Variants in HIVEP2 observed in about 807,000 individuals in gnomAD.
HIVEP2 encodes transcription factor HIVEP2.
A neutral mutation model predicts 180.7 loss-of-function variants in HIVEP2; 14 were observed. That is an observed-to-expected ratio of 0.08 (90% CI 0.05 to 0.12). The LOEUF (loss-of-function observed/expected upper bound fraction) is 0.12, where lower values mean the gene tolerates loss of function less well. Ranked by LOEUF, HIVEP2 falls within the 10% of genes least tolerant of loss-of-function variation. The probability of loss-of-function intolerance (pLI) is 1.00; values close to 1 mark genes in which losing one functional copy is unlikely to be tolerated. For synonymous variants in HIVEP2, 1,184 were observed against 1,136.4 expected, an observed-to-expected ratio of 1.04 and a Z score of -0.84; for missense variants, 2,579 against 3,008.5, an observed-to-expected ratio of 0.86 and a Z score of 3.34.
At chr6:142,890,156 C>A (rs1166435400) in intron 1 of HIVEP2, among the ~76,000 whole-genome samples, 1 of 152,104 alleles carries the variant, frequency 6.6e-6, no homozygotes, top group Non-Finnish European at 1.5e-5. Context: ...GACCTAAATG[C>A]CTATATTTTT....
chr6:142,843,683 G>A (rs1424126231), intron 1 of HIVEP2, among the ~76,000 whole-genome samples: 1 of 152,126 alleles, frequency 6.6e-6, no homozygotes, highest in African/African-American at 2.4e-5. Flanking sequence ...AGGAAACTCT[G>A]GCCTTGTTTA....
rs71721259 is a variant in HIVEP2 at position 142,832,192 on chromosome 6, C to CAAA, written c.-528+4740_-528+4742dup. Among the ~76,000 whole-genome samples, 138 of 108,062 alleles carry CAAA rather than the reference C, an allele frequency of 1.3e-3. No homozygotes were observed. The East Asian group carries it at 0.024, about 19-fold the overall frequency. 70.9% of individuals were successfully genotyped at this position (108,062 alleles called of 152,430 possible). On this transcript the variant is annotated intron_variant, in intron 2 of 9. Transcript: ENST00000367603. ...GGGCAACAAGAGTGAAATTCTGTCT[C>CAAA]AAAAAAAAAAAAAACAGAAAACAAA...
chr6:142,869,761 G>A (rs188991211), intron 1 of HIVEP2, among the ~76,000 whole-genome samples: 93 of 152,152 alleles, frequency 6.1e-4, no homozygotes, highest in Non-Finnish European at 9.6e-4. Context: ...TAAGAGTTAC[G>A]TTATATATAC....
chr6:142,911,973 C>A (rs1582960839), intron 1 of HIVEP2, among the ~76,000 whole-genome samples: 1 of 152,150 alleles, frequency 6.6e-6, no homozygotes, highest in East Asian at 1.9e-4. Flanking sequence ...AAAGCAAAAG[C>A]CAATCAAAGT....
rs1232572478 is a variant in HIVEP2, at chr6:142,836,959, G to A, written c.-552C>T. 6 of 152,024 alleles carry A rather than the reference G, an allele frequency of 3.9e-5. No homozygotes were observed. The East Asian group carries it at 7.7e-4, about 20-fold the overall frequency. The allele number at this position is 152,024 out of a possible 1,614,324, so 9.4% of individuals were successfully genotyped here. ...CCTAGTGGCTGTATGTTAAAGCATCGGTAAAAGAGCATTCCAACCAAATCA... is the reference window on the plus strand; with the variant it reads ...CCTAGTGGCTGTATGTTAAAGCATCAGTAAAAGAGCATTCCAACCAAATCA... On this transcript the variant is annotated 5_prime_UTR_variant, in exon 2 of 10. An upstream open reading frame in the 5' UTR gains an earlier in-frame stop. Coordinates refer to ENST00000367603, the MANE Select transcript of HIVEP2 (RefSeq NM_006734.4).
intron 2 of HIVEP2, among the ~76,000 whole-genome samples, chr6:142,796,894 A>T (rs1401290454): frequency 1.3e-5 from 2 of 152,178 alleles, no homozygotes; most frequent in African/African-American, 4.8e-5. Context: ...TCACTGCAGT[A>T]GCAACAGGAG....
intron 7 of HIVEP2, among the ~76,000 whole-genome samples, chr6:142,762,095 C>A (rs1240964814): frequency 6.6e-6 from 1 of 152,156 alleles, no homozygotes; most frequent in Non-Finnish European, 1.5e-5. Flanking sequence ...GAGGGCCAAC[C>A]TTGTCAGTGC....
intron 9 of HIVEP2, among the ~76,000 whole-genome samples, chr6:142,755,003 G>T (rs1313333250): frequency 6.6e-6 from 1 of 152,190 alleles, no homozygotes; most frequent in Non-Finnish European, 1.5e-5. Flanking sequence ...GAGAACCAAA[G>T]ATAGATAGAT....
chr6:142,899,353 A>G (rs918019892), intron 1 of HIVEP2, among the ~76,000 whole-genome samples: 4 of 152,198 alleles, frequency 2.6e-5, no homozygotes, highest in African/African-American at 9.7e-5. Flanking sequence ...AAGCTGCTGC[A>G]TTGCTTTCAT....
intron 1 of HIVEP2, among the ~76,000 whole-genome samples, chr6:142,854,809 G>A (rs575033458): frequency 3.3e-5 from 5 of 152,182 alleles, no homozygotes; most frequent in South Asian, 4.1e-4. Context: ...ACATGCACAC[G>A]TTCCTGAAAT....
intron 1 of HIVEP2, among the ~76,000 whole-genome samples, chr6:142,844,509 T>C (rs1304132108): frequency 6.6e-6 from 1 of 152,222 alleles, no homozygotes; most frequent in Non-Finnish European, 1.5e-5. Flanking sequence ...ACAAATCTTA[T>C]GTTTCACATT....
chr6:142,939,000 C>T (rs543921502), intron 1 of HIVEP2, among the ~76,000 whole-genome samples: 195 of 152,060 alleles, frequency 1.3e-3, no homozygotes, highest in African/African-American at 4.6e-3. Flanking sequence ...AATATAATTA[C>T]CTTGTAATTT....
At chr6:142,854,511 C>T (rs1775769035) in intron 1 of HIVEP2, among the ~76,000 whole-genome samples, 1 of 152,188 alleles carries the variant, frequency 6.6e-6, no homozygotes, top group Non-Finnish European at 1.5e-5. Flanking sequence ...CGTGCTCAAC[C>T]AAGAGAAATT....
chr6:142,811,294 C>A (rs1430560340), intron 2 of HIVEP2, among the ~76,000 whole-genome samples: 1 of 152,104 alleles, frequency 6.6e-6, no homozygotes, highest in Non-Finnish European at 1.5e-5. Context: ...TAAAGCAAAT[C>A]ATTAAAAATG....
At chr6:142,900,379 C>T (rs35960499) in intron 1 of HIVEP2, among the ~76,000 whole-genome samples, 29,950 of 152,096 alleles carry the variant, frequency 0.2, 3,392 homozygotes, top group Middle Eastern at 0.27. Flanking sequence ...ACCCACTTCA[C>T]CAATCACTCC....
intron 2 of HIVEP2, among the ~76,000 whole-genome samples, chr6:142,836,394 G>A (rs1039248111): frequency 2.0e-5 from 3 of 152,236 alleles, no homozygotes; most frequent in Middle Eastern, 6.8e-3. Context: ...GGTAACTAAT[G>A]TGTTCTCAAC....
intron 2 of HIVEP2, among the ~76,000 whole-genome samples, chr6:142,814,530 T>C (rs947928216): frequency 5.3e-5 from 8 of 152,070 alleles, no homozygotes; most frequent in African/African-American, 1.9e-4. Context: ...CAGAGATATT[T>C]AAGAAGAAGA....
chr6:142,920,316 T>A (rs1157533123), intron 1 of HIVEP2, among the ~76,000 whole-genome samples: 2 of 152,206 alleles, frequency 1.3e-5, no homozygotes, highest in Non-Finnish European at 2.9e-5. Context: ...CTTCCAAAGG[T>A]TCGGCATGCA....
intron 2 of HIVEP2, among the ~76,000 whole-genome samples, chr6:142,830,778 T>C (rs1006037636): frequency 6.6e-6 from 1 of 152,136 alleles, no homozygotes; most frequent in African/African-American, 2.4e-5. Flanking sequence ...CTATTAAAAG[T>C]GATATTCAAA....
Sources: gnomAD v4.1 joint callset for allele counts (sites outside exome capture counted in the v4.1 genomes callset) on GRCh38, gnomAD v4.1.1 for gene constraint, MANE v1.5 for transcripts, NCBI Gene and HGNC (gene_info 2026-07-23, HGNC 2026-07-21) for gene names.